PTCHD4: variants seen among roughly 807,000 people sequenced by gnomAD.
The protein encoded by PTCHD4 is patched domain-containing protein 4.
PTCHD4 carries 33 observed loss-of-function variants against 58.1 expected under a neutral mutation model. The observed-to-expected ratio is 0.57, with a 90% CI of 0.43 to 0.76. The LOEUF (loss-of-function observed/expected upper bound fraction) is 0.76, where lower values mean the gene tolerates loss of function less well. Ranked by LOEUF, PTCHD4 falls within the 30% of genes least tolerant of loss-of-function variation. The pLI, the probability that PTCHD4 is intolerant of heterozygous loss-of-function variation, is 0.00. For synonymous variants in PTCHD4, 478 were observed against 409.6 expected (o/e 1.17, Z -2.02); for missense variants, 1,058 against 1,027.1 (o/e 1.03, Z -0.41).
rs1053164962 is a variant in PTCHD4, at chr6:48,068,159, A to G, written c.417+71T>C. The G allele has an allele frequency of 1.5e-5, 21 of 1,444,236 alleles. No individual in the cohort carries two copies. The highest frequency in any genetic ancestry group is 9.1e-5 in the Admixed American group (4 of 44,196). 89.5% of individuals were successfully genotyped at this position (1,444,236 alleles called of 1,614,324 possible). On this transcript the variant is annotated intron_variant, in intron 3 of 4. Transcript: ENST00000339488. The surrounding 1 kb of genome is among the most constrained non-coding windows in gnomAD (Gnocchi z 4.2). ...TAGCACTGAAATAATATCATCCAGC[A>G]CGCATTTCTTATCCTGATTTCTCAA...
chr6:47,917,899 G>T (rs1765309368), intron 4 of PTCHD4, among the ~76,000 whole-genome samples: 2 of 152,136 alleles, frequency 1.3e-5, no homozygotes, highest in Admixed American at 6.5e-5. Context: ...AATTAAAACT[G>T]CAGTTGAGCA....
intron 4 of PTCHD4, among the ~76,000 whole-genome samples, chr6:47,904,529 G>A (rs1279564793): frequency 1.3e-5 from 2 of 152,144 alleles, no homozygotes; most frequent in African/African-American, 2.4e-5. Flanking sequence ...GAAAAAGTTT[G>A]CCCACCTCTG....
intron 4 of PTCHD4, among the ~76,000 whole-genome samples, chr6:47,882,568 T>G (rs139071055): frequency 3.0e-4 from 46 of 151,918 alleles, no homozygotes; most frequent in Non-Finnish European, 5.4e-4. Flanking sequence ...ACTCTTTCAC[T>G]GCCCTGTGTG....
intron 4 of PTCHD4, among the ~76,000 whole-genome samples, chr6:47,935,371 T>A (rs913967828): frequency 2.0e-5 from 3 of 152,204 alleles, no homozygotes; most frequent in Non-Finnish European, 4.4e-5. Context: ...TCCTTTAAAA[T>A]GAGAACATGT....
intron 4 of PTCHD4, among the ~76,000 whole-genome samples, chr6:47,959,609 A>G (rs552146201): frequency 6.6e-6 from 1 of 152,288 alleles, no homozygotes; most frequent in South Asian, 2.1e-4. Context: ...AGTGAGGTAC[A>G]TCTTCAAAGT....
At chr6:47,964,943 G>GC (rs1417775815) in intron 4 of PTCHD4, among the ~76,000 whole-genome samples, 1 of 151,980 alleles carries the variant, frequency 6.6e-6, no homozygotes, top group Non-Finnish European at 1.5e-5. Context: ...ACTCGAGTGG[G>GC]TTTTTTGGCA....
rs920793190 is a variant in PTCHD4, at chr6:48,069,720, G to A, written c.-763C>T. On this transcript the variant is annotated 5_prime_UTR_variant, in exon 2 of 5. Coordinates refer to ENST00000339488, the MANE Select transcript of PTCHD4 (RefSeq NM_001384253.1). ...AAGTGAAGATCTACAGGCAATATGA[G>A]GTTTCTCATAACATGTTACATTCAC... 6.6e-6 allele frequency among the ~76,000 whole-genome samples: 1 copy of A among 152,084 alleles called. No individual in the cohort carries two copies. Among genetic ancestry groups the A allele is most frequent in the Non-Finnish European group, 1.5e-5 (1 of 68,020 alleles).
In PTCHD4 at chr6:47,876,488, T is replaced by C. The variant is rs954821399; in HGVS notation, c.*1815A>G. 3.3e-5 allele frequency among the ~76,000 whole-genome samples: 5 copies of C among 152,006 alleles called. No individual in the cohort carries two copies. The highest frequency in any genetic ancestry group is 7.4e-5 in the Non-Finnish European group (5 of 67,950). On this transcript the variant is annotated 3_prime_UTR_variant, in exon 5 of 5. Coordinates refer to ENST00000339488, the MANE Select transcript of PTCHD4 (RefSeq NM_001384253.1). Reference sequence around the variant, plus strand: ...TGGAAAGTTATATGTCTAAGTATACTTGTTTTGTTACTTCATTAGTCTATC... The same window carrying C: ...TGGAAAGTTATATGTCTAAGTATACCTGTTTTGTTACTTCATTAGTCTATC...
intron 3 of PTCHD4, among the ~76,000 whole-genome samples, chr6:48,050,340 G>A (rs528694754): frequency 6.6e-6 from 1 of 151,904 alleles, no homozygotes; most frequent in East Asian, 1.9e-4. Context: ...TGATGATACA[G>A]TAAATCCTTT....
intron 3 of PTCHD4, among the ~76,000 whole-genome samples, chr6:48,043,993 A>C (rs1763943362): frequency 6.6e-6 from 1 of 151,880 alleles, no homozygotes; most frequent in African/African-American, 2.4e-5. Flanking sequence ...GAATAGGAGA[A>C]ATGAATAAGA....
At chr6:48,000,686 A>G (rs1323657412) in intron 4 of PTCHD4, among the ~76,000 whole-genome samples, 1 of 152,126 alleles carries the variant, frequency 6.6e-6, no homozygotes, top group East Asian at 1.9e-4. Context: ...TCATCCCCAT[A>G]TGCACTGAGT....
chr6:47,922,634 C>T (rs1765472271), intron 4 of PTCHD4, among the ~76,000 whole-genome samples: 1 of 152,188 alleles, frequency 6.6e-6, no homozygotes, highest in African/African-American at 2.4e-5. Context: ...ATTTCAATCC[C>T]CCTTCATTCC....
intron 4 of PTCHD4, among the ~76,000 whole-genome samples, chr6:47,971,656 A>G (rs1561984637): frequency 6.6e-6 from 1 of 152,232 alleles, no homozygotes; most frequent in Non-Finnish European, 1.5e-5. Context: ...AAACATTTTC[A>G]GATGCATGGA....
chr6:48,110,838 TC>T (rs1204351402), intron 1 of PTCHD4, among the ~76,000 whole-genome samples: 4 of 149,302 alleles, frequency 2.7e-5, no homozygotes, highest in African/African-American at 9.8e-5. Flanking sequence ...AAATATGTTC[TC>T]CCAATCTGGT....
At chr6:47,920,777 A>T (rs1424622206) in intron 4 of PTCHD4, among the ~76,000 whole-genome samples, 1 of 152,196 alleles carries the variant, frequency 6.6e-6, no homozygotes, top group African/African-American at 2.4e-5. Flanking sequence ...ATGGATAGAC[A>T]TGTAGGTTTA....
intron 4 of PTCHD4, among the ~76,000 whole-genome samples, chr6:47,909,820 C>T (rs918897441): frequency 2.0e-5 from 3 of 151,912 alleles, no homozygotes; most frequent in Non-Finnish European, 4.4e-5. Flanking sequence ...TTCCTCACTC[C>T]CTTCTGTCCT....
At chr6:48,065,699 T>C (rs763447586) in intron 3 of PTCHD4, among the ~76,000 whole-genome samples, 3 of 152,178 alleles carry the variant, frequency 2.0e-5, no homozygotes, top group Non-Finnish European at 4.4e-5. Context: ...TGAGATTGTG[T>C]TTGAACACTT....
chr6:48,056,969 T>C (rs1764428221), intron 3 of PTCHD4, among the ~76,000 whole-genome samples: 1 of 152,190 alleles, frequency 6.6e-6, no homozygotes, highest in African/African-American at 2.4e-5. Flanking sequence ...GCAATATTTA[T>C]TACATACTTA....
chr6:48,059,847 A>G (rs1016997502), intron 3 of PTCHD4, among the ~76,000 whole-genome samples: 1 of 151,874 alleles, frequency 6.6e-6, no homozygotes, highest in African/African-American at 2.4e-5. Context: ...CGTCCTTTCC[A>G]TCATATTCTT....
Sources: gnomAD v4.1 joint callset for allele counts (sites outside exome capture counted in the v4.1 genomes callset) on GRCh38, gnomAD v4.1.1 for gene constraint, Gnocchi (gnomAD v3.1) non-coding constraint, MANE v1.5 for transcripts, NCBI Gene and HGNC (gene_info 2026-07-23, HGNC 2026-07-21) for gene names.